Variants in RBFOX3 observed in about 807,000 individuals in gnomAD.
The protein encoded by RBFOX3 is RNA binding protein fox-1 homolog 3.
RBFOX3 carries 17 observed loss-of-function variants against 48.7 expected under a neutral mutation model. The observed-to-expected ratio is 0.35, with a 90% CI of 0.24 to 0.52. The LOEUF is 0.52. Ranked by LOEUF, RBFOX3 falls within the 20% of genes least tolerant of loss-of-function variation. The probability of loss-of-function intolerance (pLI) is 0.94; values close to 1 mark genes in which losing one functional copy is unlikely to be tolerated. For missense variants in RBFOX3, 382 were observed against 497.5 expected (o/e 0.77, Z 2.21); for synonymous variants, 212 against 209.5 (o/e 1.01, Z -0.10).
intron 6 of RBFOX3, among the ~76,000 whole-genome samples, chr17:79,105,660 G>A (rs2077223837): frequency 6.6e-6 from 1 of 152,206 alleles, no homozygotes. Flanking sequence ...CCACCCTGGG[G>A]CTGCCAGAGG....
intron 2 of RBFOX3, among the ~76,000 whole-genome samples, chr17:79,378,646 C>G (rs2059521348): frequency 6.6e-6 from 1 of 152,162 alleles, no homozygotes; most frequent in African/African-American, 2.4e-5. Flanking sequence ...GAAACCTCCT[C>G]TCGCTCTCCT....
chr17:79,526,694 C>G (rs2086848310), intron 1 of RBFOX3, among the ~76,000 whole-genome samples: 1 of 152,250 alleles, frequency 6.6e-6, no homozygotes, highest in Non-Finnish European at 1.5e-5. Context: ...GACATGAGCA[C>G]TCAATTCCGT....
chr17:79,431,419 T>C (rs2148887037), intron 2 of RBFOX3, among the ~76,000 whole-genome samples: 1 of 152,126 alleles, frequency 6.6e-6, no homozygotes, highest in East Asian at 1.9e-4. Context: ...GTTCAAACGA[T>C]TCTCCTGCCT....
At chr17:79,360,354 G>A (rs1187273026) in intron 2 of RBFOX3, among the ~76,000 whole-genome samples, 4 of 148,922 alleles carry the variant, frequency 2.7e-5, no homozygotes, top group African/African-American at 9.7e-5. Flanking sequence ...AGGGAACCCT[G>A]CACCCAGCTG....
At chr17:79,145,006 T>G (rs1046577813) in intron 4 of RBFOX3, among the ~76,000 whole-genome samples, 1 of 152,110 alleles carries the variant, frequency 6.6e-6, no homozygotes, top group Non-Finnish European at 1.5e-5. Context: ...GAATCCACAA[T>G]GATGCCTCGA....
At chr17:79,572,155 G>A (rs992882838) in intron 1 of RBFOX3, among the ~76,000 whole-genome samples, 6 of 152,124 alleles carry the variant, frequency 3.9e-5, no homozygotes, top group African/African-American at 1.4e-4. Flanking sequence ...GGGCAGTGGG[G>A]ACTGGGCTGG....
At chr17:79,167,708 C>T (rs1052133542) in intron 4 of RBFOX3, among the ~76,000 whole-genome samples, 4 of 152,216 alleles carry the variant, frequency 2.6e-5, no homozygotes, top group African/African-American at 4.8e-5. Flanking sequence ...CTAGATTCCT[C>T]GCTTTAAATT....
chr17:79,406,666 G>A (rs963074516), intron 2 of RBFOX3, among the ~76,000 whole-genome samples: 2 of 152,118 alleles, frequency 1.3e-5, no homozygotes, highest in Non-Finnish European at 1.5e-5. Context: ...ATCTCCCCAT[G>A]TCCTACCTTC....
At chr17:79,564,304 C>T (rs1402393487) in intron 1 of RBFOX3, among the ~76,000 whole-genome samples, 1 of 152,216 alleles carries the variant, frequency 6.6e-6, no homozygotes, top group East Asian at 1.9e-4. Flanking sequence ...TAGCAGCAAA[C>T]CCAAAATGGC....
chr17:79,239,933 T>C (rs997814400), intron 3 of RBFOX3, among the ~76,000 whole-genome samples: 1 of 152,242 alleles, frequency 6.6e-6, no homozygotes, highest in Non-Finnish European at 1.5e-5. Flanking sequence ...TTTATCCACC[T>C]GGAGAGGCCT....
chr17:79,426,089 A>C (rs1291588226), intron 2 of RBFOX3, among the ~76,000 whole-genome samples: 3 of 152,130 alleles, frequency 2.0e-5, no homozygotes, highest in Non-Finnish European at 4.4e-5. Flanking sequence ...AAGCAGAACC[A>C]GGGGCTTTTG....
At chr17:79,517,652 A>T (rs903842999) in intron 1 of RBFOX3, among the ~76,000 whole-genome samples, 22 of 152,082 alleles carry the variant, frequency 1.4e-4, no homozygotes, top group African/African-American at 5.3e-4. Flanking sequence ...GTGCAGTGAA[A>T]ACCCCACCCA....
chr17:79,400,316 C>T (rs1461715707), intron 2 of RBFOX3, among the ~76,000 whole-genome samples: 2 of 152,090 alleles, frequency 1.3e-5, no homozygotes, highest in Non-Finnish European at 2.9e-5. Context: ...GCCTCTGGAG[C>T]CACCCGAGGG....
chr17:79,264,321 G>A (rs2066307805), intron 3 of RBFOX3, among the ~76,000 whole-genome samples: 1 of 151,488 alleles, frequency 6.6e-6, no homozygotes, highest in African/African-American at 2.4e-5. Context: ...GGTGATCCAT[G>A]TGCGTCGCCC....
chr17:79,208,518 C>G (rs2057857607), intron 4 of RBFOX3: 1 of 152,282 alleles, frequency 6.6e-6, no homozygotes. Flanking sequence ...GGCTGTTTCC[C>G]CAGGTGGTAT....
intron 3 of RBFOX3, among the ~76,000 whole-genome samples, chr17:79,241,945 T>A (rs1291732072): frequency 6.6e-6 from 1 of 152,214 alleles, no homozygotes; most frequent in East Asian, 1.9e-4. Flanking sequence ...CCAGATATCA[T>A]CCCTTAGGGA....
At chr17:79,516,830 G>A (rs1377536473) in intron 1 of RBFOX3, among the ~76,000 whole-genome samples, 4 of 152,196 alleles carry the variant, frequency 2.6e-5, no homozygotes, top group African/African-American at 9.6e-5. Flanking sequence ...TCTGACACAC[G>A]CTGCAATATG....
chr17:79,649,707 G>GAA, the RBFOX3 span, among the ~76,000 whole-genome samples: 1 of 151,890 alleles, frequency 6.6e-6, no homozygotes, highest in African/African-American at 2.4e-5. Flanking sequence ...CCTCAAAAAA[G>GAA]AAAAAAAGAA....
intron 1 of RBFOX3, among the ~76,000 whole-genome samples, chr17:79,609,632 C>G (rs1308708164): frequency 6.6e-6 from 1 of 152,148 alleles, no homozygotes; most frequent in East Asian, 1.9e-4. Flanking sequence ...CCCCCGCCCC[C>G]ACCAGTGGAC....
Sources: gnomAD v4.1 joint callset for allele counts (sites outside exome capture counted in the v4.1 genomes callset) on GRCh38, gnomAD v4.1.1 for gene constraint, MANE v1.5 for transcripts, NCBI Gene and HGNC (gene_info 2026-07-23, HGNC 2026-07-21) for gene names.